Variants in ARHGEF38 observed in about 807,000 individuals in gnomAD.
ARHGEF38 encodes the protein Rho guanine nucleotide exchange factor 38.
Under a neutral mutation model 79.9 loss-of-function variants are expected in ARHGEF38, and 79 were observed. The ratio of observed to expected loss-of-function variants is 0.99; its 90% CI spans 0.82 to 1.19. The LOEUF is 1.19. ARHGEF38 is among the 50% of genes most tolerant of loss of function. ARHGEF38 has a pLI of 0.00. For missense variants in ARHGEF38, 962 were observed against 907.2 expected (o/e 1.06, Z -0.78); for synonymous variants, 366 against 328.3 (o/e 1.11, Z -1.24).
chr4:105,570,549 CA>C (rs944434931), intron 1 of ARHGEF38, among the ~76,000 whole-genome samples: 17 of 152,204 alleles, frequency 1.1e-4, no homozygotes, highest in African/African-American at 4.1e-4. Context: ...CTTCTCATGG[CA>C]ACATGAGAAG....
chr4:105,678,090 C>A lies in ARHGEF38; in HGVS notation c.*153C>A. 2 of 534,160 alleles carry A rather than the reference C, an allele frequency of 3.7e-6. No homozygotes were observed. Among genetic ancestry groups the A allele is most frequent in the Non-Finnish European group, 3.1e-6 (1 of 321,818 alleles). The allele number at this position is 534,160 out of a possible 1,614,324, so 33.1% of individuals were successfully genotyped here. A position where few individuals can be genotyped will look rare whatever the true frequency, so the allele number is the denominator to read the frequency against. ...TTTTCAGGAATACTGTACTTCCTAA[C>A]AGGATTATTGCATGAATGTATTATA... On this transcript the variant is annotated 3_prime_UTR_variant, in exon 14 of 14. Coordinates refer to ENST00000420470, the MANE Select transcript of ARHGEF38 (RefSeq NM_001242729.2).
chr4:105,677,601 G>C (rs907953647), intron 13 of ARHGEF38, 151 bp from the exon 14 acceptor site: 1 of 567,578 alleles, frequency 1.8e-6, no homozygotes, highest in Non-Finnish European at 2.8e-6. Context: ...TTATATTTTA[G>C]CAAAATACAT....
intron 1 of ARHGEF38, among the ~76,000 whole-genome samples, chr4:105,586,129 T>C (rs1262193987): frequency 1.3e-5 from 2 of 151,960 alleles, no homozygotes; most frequent in Non-Finnish European, 1.5e-5. Flanking sequence ...AATACTTTTA[T>C]ATATAAAAGC....
At chr4:105,559,379 A>T (rs1159342785) in intron 1 of ARHGEF38, among the ~76,000 whole-genome samples, 2 of 152,038 alleles carry the variant, frequency 1.3e-5, no homozygotes, top group African/African-American at 2.4e-5. Flanking sequence ...TCTTAGGCCT[A>T]AGGCACAATT....
intron 10 of ARHGEF38, among the ~76,000 whole-genome samples, chr4:105,665,179 T>C (rs1354149626): frequency 6.7e-6 from 1 of 149,778 alleles, no homozygotes; most frequent in African/African-American, 2.4e-5. Flanking sequence ...ATTTATTAAT[T>C]ATTATTATTA....
At position 105,562,195 on chromosome 4, in the gene ARHGEF38, A is replaced by C. The variant is rs138878818; in HGVS notation, c.196+9234A>C. Among the ~76,000 whole-genome samples the C allele has an allele frequency of 3.3e-5, 5 of 152,234 alleles. No homozygotes were observed. The East Asian group carries it at 7.7e-4, about 23-fold the overall frequency. On this transcript the variant is annotated intron_variant, in intron 1 of 13. Coordinates refer to ENST00000420470, the MANE Select transcript of ARHGEF38 (RefSeq NM_001242729.2). Reference sequence around the variant, plus strand: ...GTATCCCAAAGTGGCATATTTAGGGATGGTGTGTTCTGATCCCCCTCAGTG... The same window carrying C: ...GTATCCCAAAGTGGCATATTTAGGGCTGGTGTGTTCTGATCCCCCTCAGTG...
At chr4:105,553,725 T>C (rs1725114038) in intron 1 of ARHGEF38, among the ~76,000 whole-genome samples, 1 of 152,314 alleles carries the variant, frequency 6.6e-6, no homozygotes. Flanking sequence ...TCATTTGTTC[T>C]AGTAAAATTT....
chr4:105,579,840 G>T (rs1432161184), intron 1 of ARHGEF38, among the ~76,000 whole-genome samples: 1 of 152,120 alleles, frequency 6.6e-6, no homozygotes, highest in Non-Finnish European at 1.5e-5. Flanking sequence ...GTTTGAATTT[G>T]GCTGTGAATC....
rs35842406 is a variant in ARHGEF38 at position 105,659,886 on chromosome 4, T to TGTGTGTGTGTGTGC, written c.1545+523_1545+524insGTGTGTGTGTGCGT. On this transcript the variant is annotated intron_variant, in intron 10 of 13. Transcript: ENST00000420470. ...GTGTGTGTGTGTGTGTGTGTGTGTG[T>TGTGTGTGTGTGTGC]GTAGCTTCGCCTCCCATTAGGATAT... 1.9e-3 allele frequency among the ~76,000 whole-genome samples: 286 copies of TGTGTGTGTGTGTGC among 150,634 alleles called. 2 individuals are homozygous for TGTGTGTGTGTGTGC. The highest frequency in any genetic ancestry group is 6.7e-3 in the African/African-American group (270 of 40,418).
At chr4:105,591,549 A>C (rs1727341259) in intron 2 of ARHGEF38, among the ~76,000 whole-genome samples, 1 of 152,136 alleles carries the variant, frequency 6.6e-6, no homozygotes. Context: ...TTTTTAAAAA[A>C]CCATCTGGCC....
rs3796918 is a variant in ARHGEF38 at position 105,560,340 on chromosome 4, A to G, written c.196+7379A>G. On this transcript the variant is annotated intron_variant, in intron 1 of 13. Coordinates refer to ENST00000420470, the MANE Select transcript of ARHGEF38 (RefSeq NM_001242729.2). ...TTCCTGCTTCATTGCGTATCTTGAC[A>G]CTGAAACTCATCTTTCTTTAATTTT... Among the ~76,000 whole-genome samples the G allele has an allele frequency of 1.3e-4, 20 of 152,284 alleles. No individual in the cohort carries two copies. The East Asian group carries it at 3.9e-3, about 29-fold the overall frequency.
intron 5 of ARHGEF38, among the ~76,000 whole-genome samples, chr4:105,638,938 A>G (rs1288856770): frequency 6.6e-6 from 1 of 152,006 alleles, no homozygotes; most frequent in Non-Finnish European, 1.5e-5. Context: ...GATTTTTTGG[A>G]TCAATTTCTG....
intron 8 of ARHGEF38, among the ~76,000 whole-genome samples, chr4:105,654,705 C>G (rs1322379701): frequency 6.6e-6 from 1 of 152,152 alleles, no homozygotes; most frequent in African/African-American, 2.4e-5. Flanking sequence ...CTGATTTCAA[C>G]CAACTAATTG....
chr4:105,557,725 G>A (rs944661894), intron 1 of ARHGEF38, among the ~76,000 whole-genome samples: 1 of 151,990 alleles, frequency 6.6e-6, no homozygotes, highest in African/African-American at 2.4e-5. Flanking sequence ...TTCCGCATTA[G>A]GAATAAGATC....
At chr4:105,572,992 G>A (rs561772478) in intron 1 of ARHGEF38, among the ~76,000 whole-genome samples, 58 of 152,262 alleles carry the variant, frequency 3.8e-4, no homozygotes, top group South Asian at 2.1e-3. Flanking sequence ...GATTAGTGAT[G>A]CTGAGCATCT....
chr4:105,634,751 C>G (rs377486565), intron 4 of ARHGEF38, among the ~76,000 whole-genome samples: 7 of 152,106 alleles, frequency 4.6e-5, no homozygotes, highest in African/African-American at 1.7e-4. Context: ...AGACACATTT[C>G]TAGCTTCATG....
At chr4:105,627,626 A>T (rs140756445) in intron 3 of ARHGEF38, among the ~76,000 whole-genome samples, 138 of 152,288 alleles carry the variant, frequency 9.1e-4, no homozygotes, top group African/African-American at 2.9e-3. Context: ...AAAGAAGAGC[A>T]CACTAGTTTT....
intron 7 of ARHGEF38, among the ~76,000 whole-genome samples, chr4:105,652,978 C>A (rs978882227): frequency 6.6e-6 from 1 of 152,194 alleles, no homozygotes; most frequent in Non-Finnish European, 1.5e-5. Context: ...ATGGTTATCA[C>A]CCAGTGCCAA....
chr4:105,619,549 A>G (rs1728655092), intron 3 of ARHGEF38, among the ~76,000 whole-genome samples: 1 of 152,108 alleles, frequency 6.6e-6, no homozygotes, highest in African/African-American at 2.4e-5. Flanking sequence ...TTAACAGGTG[A>G]GAGACTAACT....
Sources: gnomAD v4.1 joint callset for allele counts (sites outside exome capture counted in the v4.1 genomes callset) on GRCh38, gnomAD v4.1.1 for gene constraint, MANE v1.5 for transcripts, NCBI Gene and HGNC (gene_info 2026-07-23, HGNC 2026-07-21) for gene names.